The following NAP1L1 variants were observed in gnomAD, a reference collection of about 807,000 sequenced individuals.
NAP1L1 encodes nucleosome assembly protein 1-like 1.
A neutral mutation model predicts 58.9 loss-of-function variants in NAP1L1; 9 were observed. The observed-to-expected ratio is 0.15, with a 90% CI of 0.09 to 0.27. NAP1L1 has a LOEUF of 0.27. Ranked by LOEUF, NAP1L1 falls within the 10% of genes least tolerant of loss-of-function variation. The pLI is 1.00. For synonymous variants in NAP1L1, 130 were observed against 138.3 expected (o/e 0.94, Z 0.42); for missense variants, 302 against 458.8 (o/e 0.66, Z 3.12).
At chr12:76,048,494 T>A (rs771603136) in intron 14 of NAP1L1, 30 bp from the exon 15 acceptor site, 2 of 1,612,402 alleles carry the variant, frequency 1.2e-6, no homozygotes, top group African/African-American at 2.7e-5. Flanking sequence ...AGTCAATCTA[T>A]CTTCTTCTAC....
At chr12:76,053,705 G>A (rs1948945459) in intron 9 of NAP1L1, 65 bp downstream of exon 9, 1 of 1,537,466 alleles carries the variant, frequency 6.5e-7, no homozygotes, top group Non-Finnish European at 8.8e-7. Flanking sequence ...AAATAACCGA[G>A]TATACAAATC....
rs1195321666 is a variant in NAP1L1 at position 76,039,648 on chromosome 12, G to C, written c.*8781C>G. On this transcript the variant is annotated 3_prime_UTR_variant, in exon 15 of 15. Coordinates refer to ENST00000618691, the MANE Select transcript of NAP1L1 (RefSeq NM_004537.7). ...GAACATGCTTATTTAACCACTAGTT[G>C]TGTGACAGAAATATCTACAAGGCAG... 6.6e-6 allele frequency: 1 copy of C among 152,198 alleles called. No individual in the cohort carries two copies. The highest frequency in any genetic ancestry group is 2.4e-5 in the African/African-American group (1 of 41,452). The allele number at this position is 152,198 out of a possible 1,614,324, so 9.4% of individuals were successfully genotyped here.
At chr12:76,078,821 C>T (rs1950292134) in intron 1 of NAP1L1, among the ~76,000 whole-genome samples, 1 of 152,054 alleles carries the variant, frequency 6.6e-6, no homozygotes, top group African/African-American at 2.4e-5. Context: ...ATGTTAAGAT[C>T]CAATGAAGCC....
At chr12:76,081,112 T>A (rs1176137382) in intron 1 of NAP1L1, among the ~76,000 whole-genome samples, 1 of 152,106 alleles carries the variant, frequency 6.6e-6, no homozygotes, top group African/African-American at 2.4e-5. Context: ...GTTTCAGGTA[T>A]TCTAAGCAAC....
At position 76,072,309 on chromosome 12, in the gene NAP1L1, A is replaced by C. The variant is rs530250935; in HGVS notation, c.17+1894T>G. Among the ~76,000 whole-genome samples, 26 of 151,760 alleles carry C rather than the reference A, an allele frequency of 1.7e-4. No homozygotes were observed. The South Asian group carries it at 1.9e-3, about 11-fold the overall frequency. On this transcript the variant is annotated intron_variant, in intron 2 of 14. Coordinates refer to ENST00000618691, the MANE Select transcript of NAP1L1 (RefSeq NM_004537.7). ...AGAAGAGGATGCTATTTAAAAAAAA[A>C]AAAAAACAAAAAAACAGGAAGAACG...
chr12:76,039,170 C>G lies in NAP1L1; in HGVS notation c.*9259G>C, dbSNP rs982672967. On this transcript the variant is annotated 3_prime_UTR_variant, in exon 15 of 15. Transcript: ENST00000618691. ...GTGGCCAATGTGGCTGTCATCCTAA[C>G]CTCCCTTGGCATTCACACCCAGCTC... The G allele has an allele frequency of 2.0e-5, 3 of 152,176 alleles. No individual in the cohort carries two copies. The highest frequency in any genetic ancestry group is 1.3e-4 in the Admixed American group (2 of 15,290). 9.4% of individuals were successfully genotyped at this position (152,176 alleles called of 1,614,324 possible).
At chr12:76,074,746 C>G (rs2137087423) in intron 1 of NAP1L1, among the ~76,000 whole-genome samples, 1 of 152,304 alleles carries the variant, frequency 6.6e-6, no homozygotes, top group South Asian at 2.1e-4. Context: ...ACTATGCCCT[C>G]TGGATATCTT....
At chr12:76,076,667 G>A (rs1436325044) in intron 1 of NAP1L1, among the ~76,000 whole-genome samples, 1 of 149,674 alleles carries the variant, frequency 6.7e-6, no homozygotes, top group Non-Finnish European at 1.5e-5. Flanking sequence ...CCTAACCAGA[G>A]TAACCTAATG....
At chr12:76,071,389 C>T (rs145687291) in intron 2 of NAP1L1, among the ~76,000 whole-genome samples, 1 of 152,256 alleles carries the variant, frequency 6.6e-6, no homozygotes, top group East Asian at 1.9e-4. Context: ...ATGAGAGTTG[C>T]AAAGTTAAGA....
Position 76,040,203 on chromosome 12 carries a change from G to A in NAP1L1, c.*8226C>T, listed in dbSNP as rs1948540030. The A allele has an allele frequency of 6.6e-6, 1 of 152,100 alleles. No homozygotes were observed. Among genetic ancestry groups the A allele is most frequent in the South Asian group, 2.1e-4 (1 of 4,818 alleles). 9.4% of individuals were successfully genotyped at this position (152,100 alleles called of 1,614,324 possible). ...GATGTCTTTGGTCATTTTGGAAAAC[G>A]ACTGCAACAAACTAAGCCCAGTCAG... On this transcript the variant is annotated 3_prime_UTR_variant, in exon 15 of 15. Coordinates refer to ENST00000618691, the MANE Select transcript of NAP1L1 (RefSeq NM_004537.7).
At position 76,074,140 on chromosome 12, in the gene NAP1L1, G is replaced by C. The variant is rs1000640585; in HGVS notation, c.17+63C>G. The stretch of plus-strand genomic sequence containing the variant: ...TAATATATAATTCATACTACTTGCT[G>C]TTAAGAACAGAGTACAAAGTGATGC... On this transcript the variant is annotated intron_variant, in intron 2 of 14. Coordinates refer to ENST00000618691, the MANE Select transcript of NAP1L1 (RefSeq NM_004537.7). The C allele has an allele frequency of 3.0e-6, 4 of 1,318,078 alleles. No individual in the cohort carries two copies. The African/African-American group carries it at 5.9e-5, about 19-fold the overall frequency. 81.6% of individuals were successfully genotyped at this position (1,318,078 alleles called of 1,614,324 possible).
At chr12:76,083,193 T>C (rs948593170) in intron 1 of NAP1L1, among the ~76,000 whole-genome samples, 1 of 152,104 alleles carries the variant, frequency 6.6e-6, no homozygotes, top group African/African-American at 2.4e-5. Context: ...ATTGACAAGG[T>C]TGCAGGCTAC....
intron 8 of NAP1L1, 21 bp from the exon 9 acceptor site, chr12:76,053,930 A>G: frequency 2.5e-6 from 4 of 1,590,970 alleles, no homozygotes; most frequent in Non-Finnish European, 3.4e-6. Context: ...GAAGCATAAA[A>G]ATCAGTTAAA....
chr12:76,073,241 T>C (rs1332509161), intron 2 of NAP1L1, among the ~76,000 whole-genome samples: 1 of 152,012 alleles, frequency 6.6e-6, no homozygotes, highest in African/African-American at 2.4e-5. Flanking sequence ...GTACTGAAGT[T>C]TCCAGCCCTC....
chr12:76,038,200 A>T lies in NAP1L1; in HGVS notation c.*10229T>A, dbSNP rs1415640598. On this transcript the variant is annotated 3_prime_UTR_variant, in exon 15 of 15. Transcript: ENST00000618691. Reference sequence around the variant, plus strand: ...GGGTGACAAGATACCCCAGTAACTAAGAGTGGAAGCAATCCTCTGTCCCCA... The same window carrying T: ...GGGTGACAAGATACCCCAGTAACTATGAGTGGAAGCAATCCTCTGTCCCCA... 1 of 152,196 alleles carries T rather than the reference A, an allele frequency of 6.6e-6. No individual in the cohort carries two copies. Among genetic ancestry groups the T allele is most frequent in the Non-Finnish European group, 1.5e-5 (1 of 68,036 alleles). The allele number at this position is 152,196 out of a possible 1,614,324, so 9.4% of individuals were successfully genotyped here.
intron 2 of NAP1L1, among the ~76,000 whole-genome samples, chr12:76,070,077 C>T (rs1949877682): frequency 6.6e-6 from 1 of 151,248 alleles, no homozygotes; most frequent in Non-Finnish European, 1.5e-5. Flanking sequence ...TGTACTCTGC[C>T]AGCATAATTC....
chr12:76,079,861 T>C (rs1180845989), intron 1 of NAP1L1, among the ~76,000 whole-genome samples: 1 of 152,106 alleles, frequency 6.6e-6, no homozygotes. Context: ...CTATATTGTT[T>C]TAATTTTTTT....
chr12:76,075,332 G>C (rs1950134200), intron 1 of NAP1L1, among the ~76,000 whole-genome samples: 1 of 152,006 alleles, frequency 6.6e-6, no homozygotes, highest in South Asian at 2.1e-4. Flanking sequence ...TGAATAAATA[G>C]AATCAAGTTA....
At chr12:76,061,438 C>T (rs532891545) in intron 4 of NAP1L1, among the ~76,000 whole-genome samples, 1 of 152,296 alleles carries the variant, frequency 6.6e-6, no homozygotes, top group African/African-American at 2.4e-5. Context: ...GCTCCGTCCA[C>T]GTTCCCACAA....
Sources: allele counts gnomAD v4.1 joint callset (sites outside exome capture counted in the v4.1 genomes callset), GRCh38; gene constraint gnomAD v4.1.1; transcripts MANE v1.5; gene names NCBI Gene and HGNC (gene_info 2026-07-23, HGNC 2026-07-21).